The following IGSF21 variants were observed in gnomAD, a reference collection of about 807,000 sequenced individuals.
IGSF21 encodes the protein immunoglobin superfamily member 21.
Under a neutral mutation model 46.8 loss-of-function variants are expected in IGSF21, and 28 were observed. The observed-to-expected ratio is 0.60, with a 90% confidence interval of 0.44 to 0.82. The LOEUF (loss-of-function observed/expected upper bound fraction) is 0.82, where lower values mean the gene tolerates loss of function less well. Ranked by LOEUF, IGSF21 falls within the 40% of genes least tolerant of loss-of-function variation. The probability of loss-of-function intolerance (pLI) is 0.00; values close to 1 mark genes in which losing one functional copy is unlikely to be tolerated. For synonymous variants in IGSF21, 284 were observed against 273.6 expected, an observed-to-expected ratio of 1.04 and a Z score of -0.38; for missense variants, 624 against 665.5, an observed-to-expected ratio of 0.94 and a Z score of 0.69.
rs749657393 is a variant in IGSF21, at chr1:18,365,437, C to T, written c.755C>T (p.Pro252Leu). 37 of 1,613,964 alleles carry T rather than the reference C, an allele frequency of 2.3e-5. No individual in the cohort carries two copies. The highest frequency in any genetic ancestry group is 3.1e-5 in the Non-Finnish European group (37 of 1,180,018). Reference protein sequence around the residue: ...YTERPSRGLTPDPNILLQPTT... With the variant: ...YTERPSRGLTLDPNILLQPTT... ...GAGCGCCCCTCCCGTGGCCTGACCC[C>T]AGATCCCAACATCCTCCTCCAGCCA... is the stretch of plus-strand genomic sequence containing the variant. Residue 252 changes from proline (P) to leucine (L), a missense_variant, in exon 6 of 10, where the codon CCA becomes CTA. Physicochemically the swap from Pro to Leu is moderately conservative, Grantham distance 98 (BLOSUM62 -3). Transcript: ENST00000251296. The surrounding 1 kb of genome is among the most constrained non-coding windows in gnomAD (Gnocchi z 4.8).
rs1230927554 is a variant in IGSF21, at chr1:18,337,915, G to T, written c.424+2905G>T. Among the ~76,000 whole-genome samples, 4 of 152,174 alleles carry T rather than the reference G, an allele frequency of 2.6e-5. No individual in the cohort carries two copies. The highest frequency in any genetic ancestry group is 2.6e-4 in the Admixed American group (4 of 15,282). On this transcript the variant is annotated intron_variant, in intron 4 of 9. Coordinates refer to ENST00000251296, the MANE Select transcript of IGSF21 (RefSeq NM_032880.5). The surrounding 1 kb of genome is among the most constrained non-coding windows in gnomAD (Gnocchi z 5.7). ...TTTGCTCCAGGCCTTATAGGGTGGGGGTTATCTCTGTGCCAGAGGAGCGTG... is the reference window on the plus strand; with the variant it reads ...TTTGCTCCAGGCCTTATAGGGTGGGTGTTATCTCTGTGCCAGAGGAGCGTG...
chr1:18,220,444 T>G (rs2084498465), intron 1 of IGSF21, among the ~76,000 whole-genome samples: 2 of 152,068 alleles, frequency 1.3e-5, no homozygotes, highest in African/African-American at 4.8e-5. Flanking sequence ...TAGAAACAGG[T>G]GCCTCTGTGA....
intron 2 of IGSF21, among the ~76,000 whole-genome samples, chr1:18,269,987 G>A (rs991496225): frequency 6.6e-6 from 1 of 152,118 alleles, no homozygotes; most frequent in Non-Finnish European, 1.5e-5. Context: ...CCTTCTGGAG[G>A]TAACCTTCTA....
intron 4 of IGSF21, among the ~76,000 whole-genome samples, chr1:18,342,324 C>T (rs2085851280): frequency 6.6e-6 from 1 of 152,122 alleles, no homozygotes; most frequent in Non-Finnish European, 1.5e-5. Context: ...GAACTCCTGA[C>T]CTCAAGTGAT....
intron 1 of IGSF21, among the ~76,000 whole-genome samples, chr1:18,158,658 T>C (rs1300805589): frequency 2.0e-5 from 3 of 152,138 alleles, no homozygotes; most frequent in African/African-American, 7.2e-5. Flanking sequence ...TTTTCTTCTC[T>C]CTCAATCTCT....
chr1:18,300,017 G>A (rs953628296), intron 3 of IGSF21, among the ~76,000 whole-genome samples: 4 of 152,064 alleles, frequency 2.6e-5, no homozygotes, highest in Non-Finnish European at 4.4e-5. Flanking sequence ...TTGAGCTCAG[G>A]AGTTCAAAAC....
chr1:18,225,609 G>A (rs2084558834), intron 1 of IGSF21, among the ~76,000 whole-genome samples: 1 of 152,122 alleles, frequency 6.6e-6, no homozygotes, highest in Non-Finnish European at 1.5e-5. Flanking sequence ...TCAGCCATCT[G>A]GACTGATGAG....
intron 1 of IGSF21, among the ~76,000 whole-genome samples, chr1:18,178,419 C>G (rs534936603): frequency 1.3e-5 from 2 of 152,218 alleles, no homozygotes; most frequent in East Asian, 3.9e-4. Flanking sequence ...ACCATAATAA[C>G]CATGTGATAT....
intron 1 of IGSF21, among the ~76,000 whole-genome samples, chr1:18,146,221 A>G (rs1406855449): frequency 6.6e-6 from 1 of 152,184 alleles, no homozygotes; most frequent in African/African-American, 2.4e-5. Flanking sequence ...TGCAAACTGC[A>G]AAGGACAGAT....
chr1:18,361,257 C>G (rs1219371298), intron 4 of IGSF21: 4 of 152,146 alleles, frequency 2.6e-5, no homozygotes, highest in Admixed American at 2.6e-4. Context: ...CCCCATTGCT[C>G]TCAGGATAAA....
intron 1 of IGSF21, among the ~76,000 whole-genome samples, chr1:18,140,476 G>C: frequency 6.6e-6 from 1 of 152,176 alleles, no homozygotes; most frequent in East Asian, 1.9e-4. Context: ...GCCTAGAGTG[G>C]GGGCAGCTGT....
intron 1 of IGSF21, among the ~76,000 whole-genome samples, chr1:18,127,151 C>T (rs1485691329): frequency 6.6e-6 from 1 of 152,084 alleles, no homozygotes; most frequent in Non-Finnish European, 1.5e-5. Flanking sequence ...CCACACTGAG[C>T]CTCAGTTTCT....
At chr1:18,293,016 A>G (rs2124567048) in intron 3 of IGSF21, among the ~76,000 whole-genome samples, 1 of 152,346 alleles carries the variant, frequency 6.6e-6, no homozygotes, top group East Asian at 1.9e-4. Context: ...CAGCCCCGGC[A>G]AGCCCACATG....
At chr1:18,324,299 GC>G (rs926958673) in intron 3 of IGSF21, among the ~76,000 whole-genome samples, 16 of 152,186 alleles carry the variant, frequency 1.1e-4, no homozygotes, top group Non-Finnish European at 2.2e-4. Flanking sequence ...TGTATTTCTG[GC>G]TCATTGAGAT....
At chr1:18,166,274 A>C (rs2086677839) in intron 1 of IGSF21, among the ~76,000 whole-genome samples, 2 of 152,112 alleles carry the variant, frequency 1.3e-5, no homozygotes, top group African/African-American at 2.4e-5. Flanking sequence ...AAGTCTCCAA[A>C]TTTGAATATC....
chr1:18,289,225 A>G (rs916159244), intron 2 of IGSF21, among the ~76,000 whole-genome samples: 14 of 152,234 alleles, frequency 9.2e-5, no homozygotes, highest in African/African-American at 2.7e-4. Flanking sequence ...GGAGATAAAA[A>G]AGCAGTACCT....
intron 6 of IGSF21, among the ~76,000 whole-genome samples, chr1:18,366,563 G>C (rs545398672): frequency 1.3e-5 from 2 of 152,294 alleles, no homozygotes; most frequent in Admixed American, 6.5e-5. Context: ...TGCAAACCTG[G>C]GAGGTTGCAG....
chr1:18,287,210 T>TAAATAAAA (rs1557625786), intron 2 of IGSF21, among the ~76,000 whole-genome samples: 2 of 139,358 alleles, frequency 1.4e-5, no homozygotes, highest in Non-Finnish European at 1.6e-5. Context: ...AATAAATAAA[T>TAAATAAAA]AAAAATAAAT....
chr1:18,279,359 C>A (rs1213643478), intron 2 of IGSF21, among the ~76,000 whole-genome samples: 1 of 152,180 alleles, frequency 6.6e-6, no homozygotes, highest in East Asian at 1.9e-4. Flanking sequence ...ATGGCAATAT[C>A]TCTGGCACAT....
Sources: gnomAD v4.1 joint callset for allele counts (sites outside exome capture counted in the v4.1 genomes callset) on GRCh38, gnomAD v4.1.1 for gene constraint, Gnocchi (gnomAD v3.1) non-coding constraint, MANE v1.5 for transcripts, NCBI Gene and HGNC (gene_info 2026-07-23, HGNC 2026-07-21) for gene names.